Variants in AGBL1 observed in about 807,000 individuals in gnomAD.
The protein encoded by AGBL1 is AGBL carboxypeptidase 1, also known as cytosolic carboxypeptidase 4.
Under a neutral mutation model 118.9 loss-of-function variants are expected in AGBL1, and 130 were observed. The observed-to-expected ratio is 1.09, with a 90% confidence interval of 0.95 to 1.26. The LOEUF is 1.26. AGBL1 is among the 50% of genes most tolerant of loss of function. AGBL1 has a pLI of 0.00. For missense variants in AGBL1, 1,584 were observed against 1,298.1 expected (o/e 1.22, Z -3.38); for synonymous variants, 555 against 478.9 (o/e 1.16, Z -2.08).
At chr15:86,851,308 C>T (rs1029275656) in intron 22 of AGBL1, among the ~76,000 whole-genome samples, 1 of 152,114 alleles carries the variant, frequency 6.6e-6, no homozygotes, top group Non-Finnish European at 1.5e-5. Context: ...GGAACTGATT[C>T]TAGCTCAAAA....
At chr15:86,813,143 C>T (rs1202395630) in intron 22 of AGBL1, among the ~76,000 whole-genome samples, 2 of 151,966 alleles carry the variant, frequency 1.3e-5, no homozygotes, top group Non-Finnish European at 1.5e-5. Flanking sequence ...CATGAAACAG[C>T]CTCGAACACA....
intron 17 of AGBL1, among the ~76,000 whole-genome samples, chr15:86,368,488 TGAA>T (rs2080924713): frequency 6.6e-6 from 1 of 152,262 alleles, no homozygotes; most frequent in Admixed American, 6.5e-5. Context: ...AAGTGACAAA[TGAA>T]GAAATAATGT....
At chr15:86,448,599 A>T (rs1261914020) in intron 18 of AGBL1, among the ~76,000 whole-genome samples, 2 of 152,188 alleles carry the variant, frequency 1.3e-5, no homozygotes, top group African/African-American at 2.4e-5. Flanking sequence ...TTGTGTCTAG[A>T]GTGTCTTAGA....
At chr15:86,185,792 A>G (rs2077622959) in intron 5 of AGBL1, among the ~76,000 whole-genome samples, 1 of 152,042 alleles carries the variant, frequency 6.6e-6, no homozygotes, top group Non-Finnish European at 1.5e-5. Flanking sequence ...GCATTAGGAG[A>G]TATACCTAAT....
chr15:86,127,680 G>A (rs2076764533), intron 1 of AGBL1, among the ~76,000 whole-genome samples: 1 of 152,218 alleles, frequency 6.6e-6, no homozygotes, highest in Non-Finnish European at 1.5e-5. Context: ...CAACAGCTGG[G>A]CTACAAGTTC....
intron 22 of AGBL1, among the ~76,000 whole-genome samples, chr15:86,706,635 G>T (rs1462085893): frequency 2.0e-5 from 3 of 152,122 alleles, no homozygotes; most frequent in African/African-American, 4.8e-5. Flanking sequence ...TAAATTTAAA[G>T]AAATGGTGTA....
chr15:86,385,923 TCCTCCC>T (rs1345155697), intron 17 of AGBL1, among the ~76,000 whole-genome samples: 1 of 135,522 alleles, frequency 7.4e-6, no homozygotes, highest in Non-Finnish European at 1.6e-5. Flanking sequence ...ATTCTCCTCC[TCCTCCC>T]CCTCCCCTCC....
chr15:86,548,643 C>CCA (rs1188981146), intron 20 of AGBL1, among the ~76,000 whole-genome samples: 7 of 136,152 alleles, frequency 5.1e-5, no homozygotes, highest in South Asian at 2.5e-4. Context: ...AGAAGGATAG[C>CCA]CACACACACA....
At chr15:86,413,027 A>G (rs1207793314) in intron 18 of AGBL1, among the ~76,000 whole-genome samples, 2 of 152,192 alleles carry the variant, frequency 1.3e-5, no homozygotes, top group Admixed American at 6.6e-5. Flanking sequence ...AGAATATTCA[A>G]TTCAGTTTCT....
In AGBL1 at chr15:86,197,167, C is replaced by G. The variant is rs934846187; in HGVS notation, c.489-27747C>G. Among the ~76,000 whole-genome samples the G allele has an allele frequency of 2.0e-5, 3 of 152,234 alleles. No homozygotes were observed. In the East Asian group the frequency reaches 5.8e-4, roughly 29 times the overall value. ...TAAAAATGCAGAAGCAGCTTTGGAA[C>G]TGGGTAATGGGTGGAGGCTGGAGGA... On this transcript the variant is annotated intron_variant, in intron 5 of 22. Transcript: ENST00000614907.
chr15:86,596,206 G>A (rs1011656076), intron 21 of AGBL1, among the ~76,000 whole-genome samples: 4 of 152,052 alleles, frequency 2.6e-5, no homozygotes, highest in Non-Finnish European at 4.4e-5. Flanking sequence ...TACTCAGGAG[G>A]TCGAGGTGGG....
chr15:86,525,350 T>A (rs1290584089), intron 19 of AGBL1, among the ~76,000 whole-genome samples: 1 of 152,124 alleles, frequency 6.6e-6, no homozygotes, highest in Non-Finnish European at 1.5e-5. Flanking sequence ...TTAATGCAAT[T>A]CCTATCAAAA....
rs1051437081 is a variant in AGBL1 at position 86,154,449 on chromosome 15, G to C, written c.282G>C (p.Lys94Asn). Residue 94 changes from lysine (K) to asparagine (N), a missense_variant, in exon 4 of 23, where the codon AAG becomes AAC. Physicochemically the swap from Lys to Asn is moderately conservative, Grantham distance 94 (BLOSUM62 0). Coordinates refer to ENST00000614907, the MANE Select transcript of AGBL1 (RefSeq NM_001386094.1). ...TCTTAGATAAAAAGATTGGACGGAA[G>C]GCCCTAGAATTGGAAGCACTTGATG... ...VGLRDKKIGRKALELEALDVT... is the reference protein window; with the variant it reads ...VGLRDKKIGRNALELEALDVT... 2 of 1,612,624 alleles carry C rather than the reference G, an allele frequency of 1.2e-6. No individual in the cohort carries two copies. The highest frequency in any genetic ancestry group is 1.7e-6 in the Non-Finnish European group (2 of 1,179,340).
At chr15:86,299,792 A>G (rs561054531) in intron 17 of AGBL1, 1 of 152,214 alleles carries the variant, frequency 6.6e-6, no homozygotes, top group Non-Finnish European at 1.5e-5. Context: ...TTTAGTTTGT[A>G]TACTCTTCCA....
At chr15:86,088,455 A>G (rs1895810371) in intron 1 of AGBL1, 1 of 152,272 alleles carries the variant, frequency 6.6e-6, no homozygotes, top group East Asian at 1.9e-4. Flanking sequence ...TCTGGCTATC[A>G]GTGGAGAAAG....
intron 22 of AGBL1, among the ~76,000 whole-genome samples, chr15:86,859,854 C>T (rs1220809285): frequency 6.6e-6 from 1 of 152,106 alleles, no homozygotes; most frequent in Non-Finnish European, 1.5e-5. Context: ...TTCCTAATTC[C>T]ATCTCTAGAG....
chr15:86,421,864 A>C (rs770322519), intron 18 of AGBL1, among the ~76,000 whole-genome samples: 3 of 152,236 alleles, frequency 2.0e-5, no homozygotes, highest in South Asian at 2.1e-4. Flanking sequence ...AGGGCCTTAC[A>C]TAATGGGAAA....
At chr15:86,823,065 A>G (rs1444280149) in intron 22 of AGBL1, among the ~76,000 whole-genome samples, 1 of 152,172 alleles carries the variant, frequency 6.6e-6, no homozygotes, top group Non-Finnish European at 1.5e-5. Flanking sequence ...TAGCCTTGAC[A>G]ATAGAAAATG....
At chr15:86,626,299 T>C (rs779433235) in intron 21 of AGBL1, among the ~76,000 whole-genome samples, 42 of 152,144 alleles carry the variant, frequency 2.8e-4, no homozygotes, top group Non-Finnish European at 5.3e-4. Flanking sequence ...AAATGTGGTA[T>C]ATATACACCA....
Sources: allele counts gnomAD v4.1 joint callset (sites outside exome capture counted in the v4.1 genomes callset), GRCh38; gene constraint gnomAD v4.1.1; transcripts MANE v1.5; gene names NCBI Gene and HGNC (gene_info 2026-07-23, HGNC 2026-07-21).